The following DHRSX variants were observed in gnomAD, a reference collection of about 807,000 sequenced individuals.
DHRSX encodes the protein polyprenol dehydrogenase.
In DHRSX, 31 loss-of-function variants were observed where a neutral mutation model predicts 34.0. The ratio of observed to expected loss-of-function variants is 0.91; its 90% confidence interval spans 0.69 to 1.23. The LOEUF is 1.23. DHRSX is among the 50% of genes most tolerant of loss of function. The pLI, the probability that DHRSX is intolerant of heterozygous loss-of-function variation, is 0.00. For synonymous variants in DHRSX, 201 were observed against 183.8 expected (o/e 1.09, Z -0.76); for missense variants, 414 against 428.1 (o/e 0.97, Z 0.29).
chrX:2,345,930 GCTTT>G (rs2042703588), intron 3 of DHRSX, among the ~76,000 whole-genome samples: 1 of 152,088 alleles, frequency 6.6e-6, no homozygotes, highest in African/African-American at 2.4e-5. Flanking sequence ...AAATAAATGT[GCTTT>G]CTATCAGTAC....
chrX:2,436,098 C>A (rs2043987677), intron 1 of DHRSX, among the ~76,000 whole-genome samples: 1 of 151,658 alleles, frequency 6.6e-6, no homozygotes, highest in Non-Finnish European at 1.5e-5. Flanking sequence ...GAAGCTGAGG[C>A]AGGAGAATCA....
intron 3 of DHRSX, among the ~76,000 whole-genome samples, chrX:2,396,724 C>T (rs2043416004): frequency 1.3e-5 from 2 of 151,148 alleles, no homozygotes; most frequent in African/African-American, 4.9e-5. Context: ...ATGGCCGCAT[C>T]ACTCCAGTCT....
intron 3 of DHRSX, among the ~76,000 whole-genome samples, chrX:2,329,603 CATGG>C (rs2042432089): frequency 6.6e-6 from 1 of 152,158 alleles, no homozygotes; most frequent in African/African-American, 2.4e-5. Context: ...TCTCAGCCTG[CATGG>C]ATGGTCCCTC....
At chrX:2,232,602 T>C (rs2015922529) in intron 6 of DHRSX, among the ~76,000 whole-genome samples, 1 of 151,852 alleles carries the variant, frequency 6.6e-6, no homozygotes, top group Non-Finnish European at 1.5e-5. Flanking sequence ...TTTATTTATT[T>C]ATTTGAGATG....
intron 4 of DHRSX, among the ~76,000 whole-genome samples, chrX:2,268,801 TACAA>T (rs1233340826): frequency 6.6e-6 from 1 of 152,268 alleles, no homozygotes; most frequent in African/African-American, 2.4e-5. Context: ...TTCATACACC[TACAA>T]ACACACAGCA....
intron 6 of DHRSX, among the ~76,000 whole-genome samples, chrX:2,230,334 C>A (rs2015847042): frequency 6.6e-6 from 1 of 152,144 alleles, no homozygotes; most frequent in African/African-American, 2.4e-5. Flanking sequence ...TCAGTGACCA[C>A]CTGAAGCAGA....
At chrX:2,253,655 C>T (rs1449402945) in intron 5 of DHRSX, among the ~76,000 whole-genome samples, 1 of 152,244 alleles carries the variant, frequency 6.6e-6, no homozygotes, top group Non-Finnish European at 1.5e-5. Context: ...ACAAAAGCCA[C>T]CTGCTACTAA....
chrX:2,406,443 GTTTTTTTT>G (rs58388477), intron 3 of DHRSX, among the ~76,000 whole-genome samples: 3 of 147,232 alleles, frequency 2.0e-5, no homozygotes, highest in African/African-American at 7.5e-5. Flanking sequence ...TTTGTTTTTT[GTTTTTTTT>G]TTTCTTTGAG....
chrX:2,451,081 T>C (rs1362198989), intron 1 of DHRSX, among the ~76,000 whole-genome samples: 1 of 152,070 alleles, frequency 6.6e-6, no homozygotes, highest in Non-Finnish European at 1.5e-5. Flanking sequence ...CTGTAGTTTA[T>C]AAATTACCCA....
intron 5 of DHRSX, among the ~76,000 whole-genome samples, chrX:2,264,877 A>ACGCAGAGCACTTG (rs1223285422): frequency 1.2e-5 from 1 of 83,714 alleles, no homozygotes; most frequent in Non-Finnish European, 2.3e-5. Context: ...AGGGAGCACT[A>ACGCAGAGCACTTG]TGCCGGGCAC....
At chrX:2,455,905 G>A (rs1211924202) in intron 1 of DHRSX, among the ~76,000 whole-genome samples, 1 of 152,020 alleles carries the variant, frequency 6.6e-6, no homozygotes, top group African/African-American at 2.4e-5. Context: ...AACGTTGAGT[G>A]TCAAAAGGAT....
chrX:2,313,039 G>A (rs1231724746), intron 3 of DHRSX, among the ~76,000 whole-genome samples: 1 of 148,860 alleles, frequency 6.7e-6, no homozygotes, highest in African/African-American at 2.5e-5. Context: ...TTTCGCTCTT[G>A]TTGCCCAGGC....
intron 3 of DHRSX, among the ~76,000 whole-genome samples, chrX:2,406,212 A>C (rs2043553327): frequency 6.6e-6 from 1 of 150,578 alleles, no homozygotes; most frequent in Non-Finnish European, 1.5e-5. Context: ...GAATCGCTTG[A>C]ACCTGGGAGC....
intron 5 of DHRSX, among the ~76,000 whole-genome samples, chrX:2,249,191 CTTT>C (rs541852639): frequency 8.4e-5 from 10 of 118,880 alleles, no homozygotes; most frequent in African/African-American, 1.0e-4. Context: ...AATCATAAAT[CTTT>C]TTTTTTTTTT....
chrX:2,290,160 C>A (rs2041849094), intron 4 of DHRSX, among the ~76,000 whole-genome samples: 1 of 152,154 alleles, frequency 6.6e-6, no homozygotes, highest in East Asian at 1.9e-4. Context: ...TCCCATGCTT[C>A]TCCTTTAAAC....
intron 3 of DHRSX, among the ~76,000 whole-genome samples, chrX:2,341,264 C>A (rs979988186): frequency 1.3e-5 from 2 of 152,068 alleles, no homozygotes; most frequent in Non-Finnish European, 2.9e-5. Context: ...TGGGATGGGA[C>A]CACTGTAACC....
chrX:2,292,819 G>C (rs763974925), intron 3 of DHRSX, among the ~76,000 whole-genome samples: 245 of 151,726 alleles, frequency 1.6e-3, no homozygotes, highest in African/African-American at 5.8e-3. Context: ...CAGATAGTAA[G>C]TATGAGCTCT....
intron 1 of DHRSX, among the ~76,000 whole-genome samples, chrX:2,478,558 G>A (rs1603147570): frequency 6.6e-6 from 1 of 152,166 alleles, no homozygotes; most frequent in South Asian, 2.1e-4. Flanking sequence ...ACACATTGAA[G>A]AGGTTCCCTA....
In DHRSX at chrX:2,290,900, A is replaced by T. The variant is rs1398954933; in HGVS notation, c.388+602T>A. 2.0e-5 allele frequency among the ~76,000 whole-genome samples: 3 copies of T among 152,220 alleles called. No homozygotes were observed. The South Asian group carries it at 6.2e-4, about 32-fold the overall frequency. ...GGGCATCAGTGTTACGAGGAGAAAC[A>T]TTAAGTGTTGCAATGATCTTAAGCG... is the stretch of plus-strand genomic sequence containing the variant. On this transcript the variant is annotated intron_variant, in intron 4 of 6. Transcript: ENST00000334651.
Sources: gnomAD v4.1 joint callset for allele counts (sites outside exome capture counted in the v4.1 genomes callset) on GRCh38, gnomAD v4.1.1 for gene constraint, MANE v1.5 for transcripts, NCBI Gene and HGNC (gene_info 2026-07-23, HGNC 2026-07-21) for gene names.